Variants in SLC26A5 observed in about 807,000 individuals in gnomAD.
SLC26A5 encodes the protein solute carrier family 26 member 5.
In SLC26A5, 51 loss-of-function variants were observed where a neutral mutation model predicts 81.0. The ratio of observed to expected loss-of-function variants is 0.63; its 90% CI spans 0.50 to 0.80. SLC26A5 has a LOEUF of 0.80. SLC26A5 is among the 30% of genes least tolerant of loss of function. The probability of loss-of-function intolerance (pLI) is 0.00; values close to 1 mark genes in which losing one functional copy is unlikely to be tolerated. For synonymous variants in SLC26A5, 325 were observed against 332.8 expected (o/e 0.98, Z 0.25); for missense variants, 771 against 905.8 (o/e 0.85, Z 1.91).
At chr7:103,435,349 G>T (rs1404577761) in intron 2 of SLC26A5, among the ~76,000 whole-genome samples, 1 of 152,038 alleles carries the variant, frequency 6.6e-6, no homozygotes, top group Non-Finnish European at 1.5e-5. Context: ...CATATGTCAG[G>T]TTATTCTTGG....
chr7:103,356,016 G>A (rs776157882), intron 19 of SLC26A5, among the ~76,000 whole-genome samples: 1 of 152,178 alleles, frequency 6.6e-6, no homozygotes, highest in African/African-American at 2.4e-5. Flanking sequence ...ATAAAAAGAT[G>A]TAGAGCAAGA....
chr7:103,374,394 C>T lies in SLC26A5; in HGVS notation c.*5G>A. On this transcript the variant is annotated 3_prime_UTR_variant, in exon 20 of 20. Coordinates refer to ENST00000306312, the MANE Select transcript of SLC26A5 (RefSeq NM_198999.3). The stretch of plus-strand genomic sequence containing the variant: ...TATAACCCCATCCTAGGGTGAGGTC[C>T]TCATCTATGCCTCAGGAGTGGCAGG... The T allele has an allele frequency of 6.2e-7, 1 of 1,612,208 alleles. No individual in the cohort carries two copies. The highest frequency in any genetic ancestry group is 8.5e-7 in the Non-Finnish European group (1 of 1,179,940).
At chr7:103,438,800 C>T (rs1235561601) in intron 2 of SLC26A5, among the ~76,000 whole-genome samples, 1 of 152,100 alleles carries the variant, frequency 6.6e-6, no homozygotes, top group African/African-American at 2.4e-5. Flanking sequence ...TCTGATGTGT[C>T]GGCAACTATA....
chr7:103,360,207 T>C (rs1820300556), intron 19 of SLC26A5, among the ~76,000 whole-genome samples: 2 of 152,210 alleles, frequency 1.3e-5, no homozygotes, highest in African/African-American at 4.8e-5. Context: ...ATGCATTTCA[T>C]AATGTTTTGC....
At chr7:103,352,969 T>C in intron 19 of SLC26A5, 1 of 780,526 alleles carries the variant, frequency 1.3e-6, no homozygotes, top group Non-Finnish European at 2.4e-6. Flanking sequence ...GTTGTGAACT[T>C]AAATTTTTTA....
At chr7:103,358,386 A>G (rs891495814) in intron 19 of SLC26A5, among the ~76,000 whole-genome samples, 1 of 152,072 alleles carries the variant, frequency 6.6e-6, no homozygotes, top group East Asian at 1.9e-4. Flanking sequence ...TCTTGAAACT[A>G]TTTGTTAATT....
chr7:103,417,614 G>A (rs888152135), intron 4 of SLC26A5, among the ~76,000 whole-genome samples: 2 of 151,956 alleles, frequency 1.3e-5, no homozygotes, highest in Admixed American at 6.6e-5. Context: ...TTCCACAGTT[G>A]ATATCTCTAG....
intron 8 of SLC26A5, among the ~76,000 whole-genome samples, chr7:103,398,822 T>C (rs1045975082): frequency 6.6e-6 from 1 of 152,108 alleles, no homozygotes; most frequent in Non-Finnish European, 1.5e-5. Context: ...AAACTTATTA[T>C]CAGAAACAGC....
At chr7:103,400,653 CT>C (rs1823515446) in intron 8 of SLC26A5, among the ~76,000 whole-genome samples, 2 of 152,306 alleles carry the variant, frequency 1.3e-5, no homozygotes, top group South Asian at 4.1e-4. Context: ...TGCCTATGTC[CT>C]GAATGGTACT....
chr7:103,391,919 G>C (rs1383324811), intron 10 of SLC26A5, among the ~76,000 whole-genome samples, 184 bp from the exon 11 acceptor site: 1 of 152,190 alleles, frequency 6.6e-6, no homozygotes, highest in Non-Finnish European at 1.5e-5. Context: ...GTGAGAGGGG[G>C]GAACATTTTG....
chr7:103,410,939 T>A (rs1824439431), intron 6 of SLC26A5, among the ~76,000 whole-genome samples: 1 of 152,080 alleles, frequency 6.6e-6, no homozygotes, highest in African/African-American at 2.4e-5. Context: ...TCTGGACCAT[T>A]TTCTAACACT....
intron 19 of SLC26A5, chr7:103,363,276 T>G: frequency 7.9e-7 from 1 of 1,263,252 alleles, no homozygotes; most frequent in Non-Finnish European, 1.2e-6. Context: ...TTAGGTCTAT[T>G]CTATTGAATT....
intron 15 of SLC26A5, 33 bp from the exon 16 acceptor site, chr7:103,379,368 T>C: frequency 1.4e-6 from 2 of 1,387,104 alleles, no homozygotes; most frequent in Non-Finnish European, 1.0e-6. Context: ...ATTTAACACA[T>C]GGAAATATTT....
chr7:103,357,821 C>T (rs1820127242), intron 19 of SLC26A5, among the ~76,000 whole-genome samples: 1 of 152,186 alleles, frequency 6.6e-6, no homozygotes. Context: ...CAACCTCCCA[C>T]TTTCTCTTGA....
At chr7:103,369,732 T>C (rs908412367), downstream of SLC26A5, among the ~76,000 whole-genome samples, 2 of 151,662 alleles carry the variant, frequency 1.3e-5, no homozygotes, top group African/African-American at 4.8e-5. Context: ...TGCACATATA[T>C]ATATATACAT....
intron 1 of SLC26A5, among the ~76,000 whole-genome samples, chr7:103,444,807 T>C (rs1827159187): frequency 6.6e-6 from 1 of 152,228 alleles, no homozygotes; most frequent in Non-Finnish European, 1.5e-5. Context: ...TTCTTCACCC[T>C]AAGTTTCTTT....
intron 2 of SLC26A5, among the ~76,000 whole-genome samples, chr7:103,424,404 C>CTTGT (rs1219922314): frequency 2.0e-5 from 3 of 152,156 alleles, no homozygotes; most frequent in African/African-American, 7.2e-5. Context: ...TAGCTCAGTA[C>CTTGT]TTGTATCTTA....
intron 2 of SLC26A5, among the ~76,000 whole-genome samples, chr7:103,437,879 G>GT (rs1347382922): frequency 6.6e-6 from 1 of 152,188 alleles, no homozygotes; most frequent in East Asian, 1.9e-4. Flanking sequence ...AGGACTGTGT[G>GT]TTTTGTTGGG....
chr7:103,390,482 T>C lies in SLC26A5; in HGVS notation c.1258A>G (p.Met420Val). The C allele has an allele frequency of 1.2e-6, 2 of 1,614,180 alleles. No individual in the cohort carries two copies. The highest frequency in any genetic ancestry group is 1.7e-6 in the Non-Finnish European group (2 of 1,180,024). The change falls in exon 12 of 20, where the codon ATG becomes GTG. Residue 420 changes from methionine (M) to valine (V), a missense_variant. Coordinates refer to ENST00000306312, the MANE Select transcript of SLC26A5 (RefSeq NM_198999.3). ...GTTGCTAATATGACCAGCAGAATCA[T>C]TAATGAGGCCAAACAACCTGCAAGC... ...TQLAGCLASL[M>V]ILLVILATGF...
Sources: allele counts gnomAD v4.1 joint callset (sites outside exome capture counted in the v4.1 genomes callset), GRCh38; gene constraint gnomAD v4.1.1; transcripts MANE v1.5; gene names NCBI Gene and HGNC (gene_info 2026-07-23, HGNC 2026-07-21).